The following MYO5B variants were observed in gnomAD, a reference collection of about 807,000 sequenced individuals.
MYO5B encodes myosin VB.
Under a neutral mutation model 229.3 loss-of-function variants are expected in MYO5B, and 143 were observed. The ratio of observed to expected loss-of-function variants is 0.62; its 90% CI spans 0.54 to 0.72. MYO5B has a LOEUF of 0.72. Among genes scored for constraint, MYO5B ranks in the 30% least tolerant of loss-of-function variants. The probability of loss-of-function intolerance (pLI) is 0.00; values close to 1 mark genes in which losing one functional copy is unlikely to be tolerated. For missense variants in MYO5B, 2,321 were observed against 2,331.0 expected, an observed-to-expected ratio of 1.00 and a Z score of 0.09; for synonymous variants, 918 against 885.2, an observed-to-expected ratio of 1.04 and a Z score of -0.66.
At chr18:50,014,317 C>T (rs2026194288) in intron 4 of MYO5B, among the ~76,000 whole-genome samples, 1 of 146,200 alleles carries the variant, frequency 6.8e-6, no homozygotes, top group Admixed American at 6.8e-5. Context: ...GGTTAACTTA[C>T]AACAGAAGCT....
chr18:49,899,186 T>C (rs570793618), intron 21 of MYO5B, among the ~76,000 whole-genome samples: 11 of 152,200 alleles, frequency 7.2e-5, no homozygotes, highest in Non-Finnish European at 1.5e-4. Context: ...TCGCAGATCC[T>C]CCCCTTCTGG....
rs76565094 is a variant in MYO5B at position 50,105,686 on chromosome 18, C to T, written c.28-50308G>A. Among the ~76,000 whole-genome samples, 3 of 151,616 alleles carry T rather than the reference C, an allele frequency of 2.0e-5. No individual in the cohort carries two copies. The East Asian group carries it at 5.8e-4, about 29-fold the overall frequency. On this transcript the variant is annotated intron_variant, in intron 1 of 39. Transcript: ENST00000285039. Reference sequence around the variant, plus strand: ...GTATTTTTCTGCACACAGGTTTCGCCTGATTTCAAAGGAATACGAAACTCC... The same window carrying T: ...GTATTTTTCTGCACACAGGTTTCGCTTGATTTCAAAGGAATACGAAACTCC...
intron 22 of MYO5B, among the ~76,000 whole-genome samples, chr18:49,892,358 A>G (rs2024725455): frequency 6.6e-6 from 1 of 152,180 alleles, no homozygotes; most frequent in African/African-American, 2.4e-5. Context: ...GCCCTCGGGG[A>G]GACTTGGCCT....
chr18:49,916,795 T>C (rs1432066342), intron 17 of MYO5B, among the ~76,000 whole-genome samples: 1 of 152,132 alleles, frequency 6.6e-6, no homozygotes, highest in African/African-American at 2.4e-5. Flanking sequence ...GGACCCAGCA[T>C]CAAATGTGAA....
intron 2 of MYO5B, among the ~76,000 whole-genome samples, chr18:50,053,364 G>T (rs2030454304): frequency 6.6e-6 from 1 of 152,174 alleles, no homozygotes; most frequent in Non-Finnish European, 1.5e-5. Flanking sequence ...TTTTCAGCAG[G>T]GTGGGCGAGC....
chr18:50,191,607 C>A (rs1212872807), intron 1 of MYO5B, among the ~76,000 whole-genome samples: 1 of 152,204 alleles, frequency 6.6e-6, no homozygotes, highest in South Asian at 2.1e-4. Context: ...TAAAAGCAAT[C>A]CGATATTAAT....
chr18:49,848,937 G>A (rs948961859), intron 32 of MYO5B, among the ~76,000 whole-genome samples: 2 of 152,042 alleles, frequency 1.3e-5, no homozygotes, highest in African/African-American at 2.4e-5. Context: ...AGTGGGGTCA[G>A]GACTGTCTAA....
chr18:49,886,027 C>T (rs1442492166), intron 22 of MYO5B, among the ~76,000 whole-genome samples: 1 of 151,072 alleles, frequency 6.6e-6, no homozygotes, highest in African/African-American at 2.4e-5. Context: ...CAGCCTCGAC[C>T]TCCCCAGGCT....
rs552400433 is a variant in MYO5B, at chr18:50,170,690, C to T, written c.27+24077G>A. 2.2e-4 allele frequency among the ~76,000 whole-genome samples: 28 copies of T among 127,010 alleles called. 6 individuals are homozygous for T. In the East Asian group the frequency reaches 6.5e-3, roughly 29 times the overall value. The allele number at this position is 127,010 out of a possible 152,430, so 83.3% of individuals were successfully genotyped here. The stretch of plus-strand genomic sequence containing the variant: ...TGGTCCAAGGTCTCACAGCAAGGAA[C>T]TGGCATAAATGGAACAAGAATTCTG... On this transcript the variant is annotated intron_variant, in intron 1 of 39. Transcript: ENST00000285039.
intron 17 of MYO5B, among the ~76,000 whole-genome samples, chr18:49,921,163 A>G (rs780693238): frequency 2.0e-5 from 3 of 152,080 alleles, no homozygotes; most frequent in Non-Finnish European, 4.4e-5. Flanking sequence ...TGGGGAGAAG[A>G]AAGTTGAGGA....
intron 1 of MYO5B, among the ~76,000 whole-genome samples, chr18:50,188,786 A>T (rs911849113): frequency 0.015 from 50 of 3,230 alleles, no homozygotes; most frequent in African/African-American, 0.029. Context: ...ACTCTGTCAT[A>T]AAAAAAAAAA....
intron 10 of MYO5B, among the ~76,000 whole-genome samples, chr18:49,964,183 T>G (rs935804386): frequency 6.6e-6 from 1 of 152,228 alleles, no homozygotes; most frequent in African/African-American, 2.4e-5. Flanking sequence ...GTAAATTAAC[T>G]CCTGGAAAGG....
At chr18:49,995,917 A>G (rs904562511) in intron 5 of MYO5B, among the ~76,000 whole-genome samples, 3 of 152,238 alleles carry the variant, frequency 2.0e-5, no homozygotes, top group African/African-American at 7.2e-5. Context: ...AGCAGCCTCT[A>G]AATTTTACTA....
intron 1 of MYO5B, among the ~76,000 whole-genome samples, chr18:50,159,544 C>T (rs889728711): frequency 1.3e-5 from 2 of 152,186 alleles, no homozygotes; most frequent in African/African-American, 2.4e-5. Flanking sequence ...AGGTGCTCTG[C>T]AGCCCCCAGG....
chr18:50,096,234 G>GA (rs2144495565), intron 1 of MYO5B, among the ~76,000 whole-genome samples: 1 of 152,214 alleles, frequency 6.6e-6, no homozygotes, highest in East Asian at 1.9e-4. Context: ...CTTATGCTGA[G>GA]ACACTGGGCT....
At chr18:50,083,335 C>T (rs561122217) in intron 1 of MYO5B, among the ~76,000 whole-genome samples, 1 of 152,256 alleles carries the variant, frequency 6.6e-6, no homozygotes, top group African/African-American at 2.4e-5. Context: ...ATGATTGACT[C>T]AATCTCCAGC....
intron 22 of MYO5B, among the ~76,000 whole-genome samples, chr18:49,883,469 T>TA (rs2024610453): frequency 6.6e-6 from 1 of 150,392 alleles, no homozygotes; most frequent in Non-Finnish European, 1.5e-5. Context: ...GAAAAAACAT[T>TA]ATTGAAAGAA....
intron 4 of MYO5B, among the ~76,000 whole-genome samples, chr18:50,010,114 T>C (rs548118281): frequency 1.1e-4 from 16 of 152,196 alleles, no homozygotes; most frequent in African/African-American, 3.9e-4. Context: ...GCAGGTAGAG[T>C]CCCAAGTGCC....
intron 4 of MYO5B, among the ~76,000 whole-genome samples, chr18:50,017,416 C>T (rs982381332): frequency 6.6e-6 from 1 of 152,192 alleles, no homozygotes; most frequent in African/African-American, 2.4e-5. Flanking sequence ...TGGGCCACTG[C>T]GCCCGGCTAC....
Sources: gnomAD v4.1 joint callset for allele counts (sites outside exome capture counted in the v4.1 genomes callset) on GRCh38, gnomAD v4.1.1 for gene constraint, MANE v1.5 for transcripts, NCBI Gene and HGNC (gene_info 2026-07-23, HGNC 2026-07-21) for gene names.